CNTNAP3B: variants seen among roughly 807,000 people sequenced by gnomAD.
CNTNAP3B encodes contactin-associated protein-like 3B.
CNTNAP3B carries 25 observed loss-of-function variants against 108.9 expected under a neutral mutation model. The ratio of observed to expected loss-of-function variants is 0.23; its 90% CI spans 0.17 to 0.32. The LOEUF is 0.32. CNTNAP3B is among the 10% of genes least tolerant of loss of function. CNTNAP3B has a pLI of 1.00. For missense variants in CNTNAP3B, 252 were observed against 1,210.4 expected (o/e 0.21, Z 11.75); for synonymous variants, 103 against 473.4 (o/e 0.22, Z 10.16).
At position 41,953,314 on chromosome 9, in the gene CNTNAP3B, T is replaced by A; in HGVS notation, c.1949A>T (p.His650Leu). The stretch of plus-strand genomic sequence containing the variant: ...CGCGAAGGACACAGCCGAGAGCGGG[T>A]GCCCGCTGGGGGCACCTCGGAGGGT... ...AVTLRGAPSG[H>L]PLSAVSFAYA... The change falls in exon 13 of 24, where the codon CAC (histidine) becomes CTC (leucine). Residue 650 changes from histidine (H) to leucine (L), a missense_variant. Physicochemically the swap from His to Leu is moderately conservative, Grantham distance 99. Transcript: ENST00000377561. The A allele has an allele frequency of 6.5e-7, 1 of 1,539,786 alleles. No homozygotes were observed. The highest frequency in any genetic ancestry group is 8.7e-7 in the Non-Finnish European group (1 of 1,151,146).
At chr9:42,109,197 T>C (rs1318856776) in intron 1 of CNTNAP3B, among the ~76,000 whole-genome samples, 1 of 138,788 alleles carries the variant, frequency 7.2e-6, no homozygotes, top group Non-Finnish European at 1.5e-5. Context: ...AAGTCCAGAA[T>C]CTAACATGGG....
chr9:41,942,569 C>T (rs1351951501), intron 13 of CNTNAP3B, among the ~76,000 whole-genome samples: 6 of 149,556 alleles, frequency 4.0e-5, no homozygotes, highest in African/African-American at 1.5e-4. Context: ...TGAGATGGCG[C>T]CACTGCACTC....
chr9:41,963,373 T>C (rs1276604244), intron 11 of CNTNAP3B, among the ~76,000 whole-genome samples: 1 of 151,828 alleles, frequency 6.6e-6, no homozygotes. Flanking sequence ...CTCTAAAAGT[T>C]AAAAACAAAT....
Position 41,970,253 on chromosome 9 carries a change from T to A in CNTNAP3B, c.1478-8A>T. On this transcript the variant is annotated splice_region_variant and splice_polypyrimidine_tract_variant and intron_variant, in intron 9 of 23. Transcript: ENST00000377561. ...AGCTGTTGCCCAGGCAGCCTGAATA[T>A]GAAGACAAAAATAGGACAAAAGCAA... The A allele has an allele frequency of 2.1e-6, 1 of 474,308 alleles. No individual in the cohort carries two copies. The highest frequency in any genetic ancestry group is 3.2e-6 in the Non-Finnish European group (1 of 310,520). 29.4% of individuals were successfully genotyped at this position (474,308 alleles called of 1,614,324 possible). A position where few individuals can be genotyped will look rare whatever the true frequency, so the allele number is the denominator to read the frequency against.
chr9:41,941,006 C>A (rs1370581741), intron 13 of CNTNAP3B, among the ~76,000 whole-genome samples: 1 of 151,484 alleles, frequency 6.6e-6, no homozygotes, highest in African/African-American at 2.4e-5. Flanking sequence ...CTATCCTTAT[C>A]AATTTTTGAA....
chr9:41,932,517 C>CTTTTTTTTTTTTTTTTTTTT (rs1178493391), intron 14 of CNTNAP3B, among the ~76,000 whole-genome samples: 1 of 124,864 alleles, frequency 8.0e-6, no homozygotes. Context: ...ACTTTTTTTT[C>CTTTTTTTTTTTTTTTTTTTT]TTCTTTTTTT....
At chr9:42,127,514 G>T (rs186093574) in intron 1 of CNTNAP3B, among the ~76,000 whole-genome samples, 21 of 139,592 alleles carry the variant, frequency 1.5e-4, no homozygotes. Context: ...GACTTATTTT[G>T]TTGTATTTTG....
chr9:41,937,694 A>G (rs1325488949), intron 14 of CNTNAP3B, among the ~76,000 whole-genome samples: 1 of 152,254 alleles, frequency 6.6e-6, no homozygotes, highest in African/African-American at 2.4e-5. Context: ...GTTTCAAAGT[A>G]TGGTCTACAG....
Position 41,954,594 on chromosome 9 carries a change from C to G in CNTNAP3B, c.1877-1208G>C, listed in dbSNP as rs556212733. ...TTATCACTCCACTCACTGTACTCAC[C>G]AAAGGAGGCTCTAAGTGTGCCTATG... is the stretch of plus-strand genomic sequence containing the variant. On this transcript the variant is annotated intron_variant, in intron 12 of 23. Coordinates refer to ENST00000377561, the MANE Select transcript of CNTNAP3B (RefSeq NM_001201380.3). 6.3e-4 allele frequency among the ~76,000 whole-genome samples: 96 copies of G among 152,350 alleles called. No homozygotes were observed. The East Asian group carries it at 0.015, about 23-fold the overall frequency.
At chr9:41,988,229 C>T (rs1325830486) in intron 8 of CNTNAP3B, among the ~76,000 whole-genome samples, 2 of 72,686 alleles carry the variant, frequency 2.8e-5, no homozygotes, top group Non-Finnish European at 5.5e-5. Flanking sequence ...TGCCTTTTAC[C>T]TTCTTTGAAT....
intron 14 of CNTNAP3B, among the ~76,000 whole-genome samples, chr9:41,937,236 A>C (rs1166492371): frequency 2.0e-5 from 3 of 150,596 alleles, no homozygotes; most frequent in Non-Finnish European, 4.4e-5. Flanking sequence ...AAGCAATTCT[A>C]CTGTCTCACC....
At chr9:41,926,425 G>C (rs1053825130) in intron 15 of CNTNAP3B, among the ~76,000 whole-genome samples, 1 of 152,304 alleles carries the variant, frequency 6.6e-6, no homozygotes, top group African/African-American at 2.4e-5. Context: ...TTTTACAGAA[G>C]AGAATATTTT....
At chr9:41,930,771 C>A (rs1168977440) in intron 14 of CNTNAP3B, among the ~76,000 whole-genome samples, 17 of 152,370 alleles carry the variant, frequency 1.1e-4, no homozygotes, top group Middle Eastern at 3.4e-3. Flanking sequence ...CTAGGGGAAC[C>A]TGGGGTCCTG....
At chr9:41,926,631 T>G (rs1244073544) in intron 15 of CNTNAP3B, 2 of 152,438 alleles carry the variant, frequency 1.3e-5, no homozygotes, top group African/African-American at 4.8e-5. Flanking sequence ...AATTTTTAGT[T>G]TTTTTGTAAG....
chr9:41,934,996 A>T (rs1479609104), intron 14 of CNTNAP3B, among the ~76,000 whole-genome samples: 3 of 152,216 alleles, frequency 2.0e-5, no homozygotes, highest in Admixed American at 6.5e-5. Context: ...TTAGCAAAAC[A>T]ACTTGTGGAT....
At chr9:42,012,191 AGAG>A (rs1309497764) in intron 4 of CNTNAP3B, among the ~76,000 whole-genome samples, 1 of 114,496 alleles carries the variant, frequency 8.7e-6, no homozygotes, top group African/African-American at 3.5e-5. Flanking sequence ...CAGAGTAATG[AGAG>A]GAGAAGGTAA....
chr9:41,969,197 C>A, intron 10 of CNTNAP3B, among the ~76,000 whole-genome samples: 1 of 151,582 alleles, frequency 6.6e-6, no homozygotes, highest in Non-Finnish European at 1.5e-5. Context: ...TATTATTTTT[C>A]CAGGTGTGAC....
chr9:41,960,263 G>A (rs1825036647), intron 12 of CNTNAP3B: 1 of 166,310 alleles, frequency 6.0e-6, no homozygotes, highest in Non-Finnish European at 1.3e-5. Flanking sequence ...CTCCCAAAGT[G>A]CTGAGATTAC....
intron 1 of CNTNAP3B, among the ~76,000 whole-genome samples, chr9:42,105,637 TC>T: frequency 1.5e-5 from 1 of 67,958 alleles, no homozygotes; most frequent in Non-Finnish European, 3.1e-5. Flanking sequence ...CTGGGACCAT[TC>T]CCACCTTGGG....
Sources: gnomAD v4.1 joint callset for allele counts (sites outside exome capture counted in the v4.1 genomes callset) on GRCh38, gnomAD v4.1.1 for gene constraint, MANE v1.5 for transcripts, NCBI Gene and HGNC (gene_info 2026-07-23, HGNC 2026-07-21) for gene names.